ZNF469: variants seen among roughly 807,000 people sequenced by gnomAD.
ZNF469 encodes the protein zinc finger protein 469.
A neutral mutation model predicts 1.0 loss-of-function variants in ZNF469; 1 was observed. The observed-to-expected ratio is 1.00, with a 90% CI of 0.35 to 4.73. The LOEUF (loss-of-function observed/expected upper bound fraction) is 4.73. Ranked by LOEUF, ZNF469 falls within the 30% of genes most tolerant of loss-of-function variation. The pLI is 0.16. For missense variants in ZNF469, 6,100 were observed against 5,356.3 expected (o/e 1.14, Z -4.33); for synonymous variants, 2,703 against 2,363.4 (o/e 1.14, Z -4.17).
chr16:88,201,270 T>C, the ZNF469 span, among the ~76,000 whole-genome samples: 2 of 152,098 alleles, frequency 1.3e-5, no homozygotes, highest in African/African-American at 4.8e-5. The surrounding 1 kb of genome is among the most constrained non-coding windows in gnomAD (Gnocchi z 5.0). Flanking sequence ...AAATGAAGGG[T>C]TGGCCGGGTG....
At chr16:88,168,010 T>A in the ZNF469 span, among the ~76,000 whole-genome samples, 1 of 152,216 alleles carries the variant, frequency 6.6e-6, no homozygotes, top group Non-Finnish European at 1.5e-5. This position sits in a 1 kb window ranked among gnomAD's most constrained non-coding sequence, Gnocchi z 4.3. Flanking sequence ...CGGGTCCCCC[T>A]CCACCCGCTT....
the ZNF469 span, among the ~76,000 whole-genome samples, chr16:88,358,414 T>C: frequency 3.3e-5 from 5 of 152,282 alleles, no homozygotes; most frequent in African/African-American, 1.2e-4. Flanking sequence ...ATCATTTATG[T>C]ACAGAAAACC....
At chr16:88,328,789 C>G in the ZNF469 span, among the ~76,000 whole-genome samples, 5 of 152,194 alleles carry the variant, frequency 3.3e-5, no homozygotes, top group African/African-American at 7.2e-5. Context: ...CTGCTTCCCA[C>G]ACAGTGAGCA....
At chr16:88,337,569 C>T in the ZNF469 span, among the ~76,000 whole-genome samples, 2 of 152,194 alleles carry the variant, frequency 1.3e-5, no homozygotes, top group Non-Finnish European at 2.9e-5. Context: ...AGGGTCCCAG[C>T]GTCACTCTCT....
chr16:88,199,030 TGTGACCCAGTGCTCCAGTCTGAC>T, the ZNF469 span, among the ~76,000 whole-genome samples: 3 of 152,160 alleles, frequency 2.0e-5, no homozygotes, highest in Non-Finnish European at 2.9e-5. Context: ...TGAGGTGGGT[TGTGACCCAGTGCTCCAGTCTGAC>T]CCTCGACCCT....
At chr16:88,379,778 C>T (rs2092516357), upstream of ZNF469, among the ~76,000 whole-genome samples, 3 of 152,068 alleles carry the variant, frequency 2.0e-5, 1 homozygote, top group South Asian at 4.1e-4. Context: ...AAGGGGTGGA[C>T]GGTGGCTCTG....
chr16:88,218,098 C>A, the ZNF469 span, among the ~76,000 whole-genome samples: 1 of 146,328 alleles, frequency 6.8e-6, no homozygotes, highest in Admixed American at 6.9e-5. Flanking sequence ...TCCTCCCCAG[C>A]ACCTATTGTT....
the ZNF469 span, among the ~76,000 whole-genome samples, chr16:88,344,029 G>A: frequency 6.6e-6 from 1 of 151,940 alleles, no homozygotes; most frequent in Non-Finnish European, 1.5e-5. Context: ...TCACCCCTGG[G>A]GTCTCTGTCC....
the ZNF469 span, among the ~76,000 whole-genome samples, chr16:88,337,031 C>T: frequency 1.2e-4 from 18 of 152,234 alleles, no homozygotes; most frequent in Non-Finnish European, 2.4e-4. Context: ...GTGTTTCACT[C>T]CTCTTCGTGG....
intron 1 of ZNF469, among the ~76,000 whole-genome samples, chr16:88,417,772 G>A (rs189235701): frequency 6.6e-6 from 1 of 152,334 alleles, no homozygotes; most frequent in Admixed American, 6.5e-5. Context: ...ACCTCCCAGT[G>A]CCGGGGAGCT....
At chr16:88,341,531 G>A in the ZNF469 span, among the ~76,000 whole-genome samples, 3 of 152,282 alleles carry the variant, frequency 2.0e-5, no homozygotes, top group Admixed American at 2.0e-4. Context: ...ATTTCCTTTC[G>A]CATTGACTCT....
chr16:88,135,412 G>A, the ZNF469 span, among the ~76,000 whole-genome samples: 1 of 152,346 alleles, frequency 6.6e-6, no homozygotes, highest in East Asian at 1.9e-4. Context: ...CCGCCAGATG[G>A]GGCTGACTCC....
chr16:88,115,043 G>A, the ZNF469 span, among the ~76,000 whole-genome samples: 2 of 152,190 alleles, frequency 1.3e-5, no homozygotes, highest in East Asian at 3.8e-4. Flanking sequence ...CCTCCAGGTC[G>A]CAGGGCAGTG....
intron 1 of ZNF469, among the ~76,000 whole-genome samples, chr16:88,413,178 G>A (rs573843476): frequency 2.6e-5 from 4 of 152,376 alleles, no homozygotes; most frequent in South Asian, 4.1e-4. Flanking sequence ...CCGCACGCAC[G>A]TGATAAATGG....
the ZNF469 span, among the ~76,000 whole-genome samples, chr16:88,314,955 G>A: frequency 4.0e-5 from 6 of 149,152 alleles, no homozygotes; most frequent in Admixed American, 6.7e-5. Flanking sequence ...TGTAATTCAG[G>A]CAGTGCTGGT....
chr16:88,249,598 G>C, the ZNF469 span, among the ~76,000 whole-genome samples: 1 of 151,500 alleles, frequency 6.6e-6, no homozygotes, highest in Non-Finnish European at 1.5e-5. Context: ...CACCACGCCG[G>C]GCCAATTTTT....
chr16:88,226,422 T>A, the ZNF469 span, among the ~76,000 whole-genome samples: 4 of 151,938 alleles, frequency 2.6e-5, no homozygotes, highest in African/African-American at 4.8e-5. Flanking sequence ...ACCCCCAGGA[T>A]CGTCAGGGCC....
the ZNF469 span, among the ~76,000 whole-genome samples, chr16:88,183,781 G>A: frequency 1.3e-5 from 2 of 152,216 alleles, no homozygotes; most frequent in Non-Finnish European, 2.9e-5. Flanking sequence ...AAAGCAGCAT[G>A]TGAAGTCATC....
the ZNF469 span, among the ~76,000 whole-genome samples, chr16:88,112,443 T>C: frequency 6.6e-6 from 1 of 152,150 alleles, no homozygotes; most frequent in East Asian, 1.9e-4. Flanking sequence ...TTGCGAGCAT[T>C]TGTGATTGTC....
Sources: gnomAD v4.1 joint callset for allele counts (sites outside exome capture counted in the v4.1 genomes callset) on GRCh38, gnomAD v4.1.1 for gene constraint, Gnocchi (gnomAD v3.1) non-coding constraint, MANE v1.5 for transcripts, NCBI Gene and HGNC (gene_info 2026-07-23, HGNC 2026-07-21) for gene names.